The following EBF2 variants were observed in gnomAD, a reference collection of about 807,000 sequenced individuals.
EBF2 encodes transcription factor COE2.
In EBF2, 21 loss-of-function variants were observed where a neutral mutation model predicts 72.8. That is an observed-to-expected ratio of 0.29 (90% CI 0.20 to 0.42). The LOEUF is 0.42. EBF2 is among the 10% of genes least tolerant of loss of function. The pLI is 1.00. For synonymous variants in EBF2, 299 were observed against 274.2 expected, an observed-to-expected ratio of 1.09 and a Z score of -0.89; for missense variants, 637 against 731.2, an observed-to-expected ratio of 0.87 and a Z score of 1.49.
chr8:25,936,847 C>T (rs1289375074), intron 6 of EBF2, among the ~76,000 whole-genome samples: 1 of 152,196 alleles, frequency 6.6e-6, no homozygotes, highest in East Asian at 1.9e-4. Flanking sequence ...AAAGTATCAT[C>T]TTCATCTGTG....
At chr8:25,907,023 A>C (rs1803044816) in intron 7 of EBF2, among the ~76,000 whole-genome samples, 1 of 152,000 alleles carries the variant, frequency 6.6e-6, no homozygotes, top group Non-Finnish European at 1.5e-5. Context: ...CTCTGCTCCT[A>C]AACATCTGTC....
At chr8:26,042,350 C>T in intron 1 of EBF2, 99 bp from the exon 2 acceptor site, 2 of 1,414,696 alleles carry the variant, frequency 1.4e-6, no homozygotes, top group East Asian at 2.5e-5. Flanking sequence ...AAGGGGTCCA[C>T]TTCCCAGGTC....
rs542322702 is a variant in EBF2 at position 25,842,286 on chromosome 8, C to T, written c.*2323G>A. 1 of 152,238 alleles carries T rather than the reference C, an allele frequency of 6.6e-6. No individual in the cohort carries two copies. The highest frequency in any genetic ancestry group is 6.5e-5 in the Admixed American group (1 of 15,278). The allele number at this position is 152,238 out of a possible 1,614,324, so 9.4% of individuals were successfully genotyped here. On this transcript the variant is annotated 3_prime_UTR_variant, in exon 16 of 16. Transcript: ENST00000520164. ...CACACATTTGTACAATTAAATAGCT[C>T]TGTTGCTGCCAGGGTTCTAGCTGAA...
intron 5 of EBF2, among the ~76,000 whole-genome samples, chr8:26,037,920 T>C (rs1805530844): frequency 6.6e-6 from 1 of 152,208 alleles, no homozygotes. Flanking sequence ...TTACGGAACA[T>C]AAAACCATCC....
rs376716209 is a variant in EBF2, at chr8:25,947,349, TTG to T, written c.552-38796_552-38795del. On this transcript the variant is annotated intron_variant, in intron 6 of 15. Coordinates refer to ENST00000520164, the MANE Select transcript of EBF2 (RefSeq NM_022659.4). ...GCTCCTCCTTTGTCTTCTGCCATGA[TTG>T]TGAGGCCTCCCTAGCCGTGTGTAAC... Among the ~76,000 whole-genome samples the T allele has an allele frequency of 1.1e-3, 168 of 152,296 alleles. 2 individuals carry two copies. The highest frequency in any genetic ancestry group is 3.9e-3 in the African/African-American group (161 of 41,564).
At chr8:25,917,359 A>G (rs1803235426) in intron 6 of EBF2, among the ~76,000 whole-genome samples, 1 of 152,162 alleles carries the variant, frequency 6.6e-6, no homozygotes, top group Non-Finnish European at 1.5e-5. Flanking sequence ...GAAAATAATA[A>G]TTGAACTCTT....
chr8:25,866,701 G>T (rs1294377799), intron 10 of EBF2, among the ~76,000 whole-genome samples: 1 of 143,536 alleles, frequency 7.0e-6, no homozygotes, highest in Non-Finnish European at 1.5e-5. Context: ...GCATGATCTT[G>T]GCTCACTGCA....
intron 6 of EBF2, among the ~76,000 whole-genome samples, chr8:25,986,414 GC>G (rs1386058928): frequency 6.6e-6 from 1 of 152,104 alleles, no homozygotes; most frequent in African/African-American, 2.4e-5. Flanking sequence ...GCTGTTAAGT[GC>G]CCCCAAACTG....
intron 6 of EBF2, among the ~76,000 whole-genome samples, chr8:25,917,180 T>A (rs921178269): frequency 6.8e-6 from 1 of 146,030 alleles, no homozygotes. Context: ...GTGAGGTTTT[T>A]GTGTGTTTGT....
rs745588825 is a variant in EBF2, at chr8:26,044,719, G to C, written c.131+10C>G. ...GAGACAGCATAATAATTGCGCGGCC[G>C]TGTCGTTACCTCTGCGCGGCGACAT... On this transcript the variant is annotated intron_variant, in intron 1 of 15. Coordinates refer to ENST00000520164, the MANE Select transcript of EBF2 (RefSeq NM_022659.4). This position sits in a 1 kb window ranked among gnomAD's most constrained non-coding sequence, Gnocchi z 4.1. 2 of 1,613,344 alleles carry C rather than the reference G, an allele frequency of 1.2e-6. No homozygotes were observed. The highest frequency in any genetic ancestry group is 1.7e-4 in the Middle Eastern group (1 of 6,032).
intron 6 of EBF2, among the ~76,000 whole-genome samples, chr8:26,031,087 C>T (rs1379169146): frequency 6.6e-6 from 1 of 152,124 alleles, no homozygotes; most frequent in Non-Finnish European, 1.5e-5. Flanking sequence ...TGAGTATTTA[C>T]AGATTTGCAA....
At chr8:26,010,791 C>G (rs988697473) in intron 6 of EBF2, among the ~76,000 whole-genome samples, 1 of 152,212 alleles carries the variant, frequency 6.6e-6, no homozygotes, top group Non-Finnish European at 1.5e-5. Flanking sequence ...TTCCCTGATG[C>G]CTGCAGATAC....
intron 6 of EBF2, among the ~76,000 whole-genome samples, chr8:25,999,374 A>G (rs1176937150): frequency 1.3e-5 from 2 of 152,154 alleles, no homozygotes; most frequent in Admixed American, 6.5e-5. Flanking sequence ...TCAGATGAAG[A>G]TGTATTTGAA....
At chr8:25,888,665 T>C (rs1218351420) in intron 8 of EBF2, among the ~76,000 whole-genome samples, 1 of 152,184 alleles carries the variant, frequency 6.6e-6, no homozygotes, top group Non-Finnish European at 1.5e-5. Context: ...CTACTAACTT[T>C]GTAGGAAGGA....
In EBF2 at chr8:25,924,224, T is replaced by C. The variant is rs960178685; in HGVS notation, c.552-15669A>G. Reference sequence around the variant, plus strand: ...ATGCCTCTGAGAGATGCTGGGAGAATTACTTAGGTGCTTTGGGAAACAGCT... The same window carrying C: ...ATGCCTCTGAGAGATGCTGGGAGAACTACTTAGGTGCTTTGGGAAACAGCT... On this transcript the variant is annotated intron_variant, in intron 6 of 15. Transcript: ENST00000520164. Among the ~76,000 whole-genome samples the C allele has an allele frequency of 1.7e-4, 26 of 152,188 alleles. 1 individual carries two copies. The highest frequency in any genetic ancestry group is 8.3e-4 in the South Asian group (4 of 4,828).
rs148043145 is a variant in EBF2, at chr8:25,942,958, C to T, written c.552-34403G>A. ...TGGTCTACCTCAGTGCAGTGGTAAC[C>T]TCCTGGAGCTCAGGATTTCCCTCCG... On this transcript the variant is annotated intron_variant, in intron 6 of 15. Coordinates refer to ENST00000520164, the MANE Select transcript of EBF2 (RefSeq NM_022659.4). Among the ~76,000 whole-genome samples, 65 of 152,244 alleles carry T rather than the reference C, an allele frequency of 4.3e-4. 1 individual carries two copies. In the East Asian group the frequency reaches 0.012, roughly 28 times the overall value.
chr8:25,871,174 C>A (rs1048241648), intron 10 of EBF2, among the ~76,000 whole-genome samples: 1 of 152,182 alleles, frequency 6.6e-6, no homozygotes, highest in African/African-American at 2.4e-5. Flanking sequence ...CCCTCCCCCT[C>A]CCTACTTCCC....
chr8:25,959,712 ACCC>A (rs1163152615), intron 6 of EBF2, among the ~76,000 whole-genome samples: 1 of 151,860 alleles, frequency 6.6e-6, no homozygotes, highest in African/African-American at 2.4e-5. Flanking sequence ...TGATGTGTCT[ACCC>A]CCAAGTTCTG....
rs541547894 is a variant in EBF2, at chr8:25,936,349, T to C, written c.552-27794A>G. ...GATGCTCCAGGACGTGGGCTGCAGT[T>C]CTAAGGCAAACAGGAAAGCAGGCAC... On this transcript the variant is annotated intron_variant, in intron 6 of 15. Transcript: ENST00000520164. 1.8e-3 allele frequency among the ~76,000 whole-genome samples: 279 copies of C among 152,280 alleles called. 2 individuals carry two copies. The highest frequency in any genetic ancestry group is 6.3e-3 in the African/African-American group (261 of 41,558).
Sources: gnomAD v4.1 joint callset for allele counts (sites outside exome capture counted in the v4.1 genomes callset) on GRCh38, gnomAD v4.1.1 for gene constraint, Gnocchi (gnomAD v3.1) non-coding constraint, MANE v1.5 for transcripts, NCBI Gene and HGNC (gene_info 2026-07-23, HGNC 2026-07-21) for gene names.